PIK3CG: variants seen among roughly 807,000 people sequenced by gnomAD.
The protein encoded by PIK3CG is phosphatidylinositol-4,5-bisphosphate 3-kinase catalytic subunit gamma, also known as phosphatidylinositol 4,5-bisphosphate 3-kinase catalytic subunit gamma isoform.
In PIK3CG, 55 loss-of-function variants were observed where a neutral mutation model predicts 102.3. That is an observed-to-expected ratio of 0.54 (90% confidence interval 0.43 to 0.67). PIK3CG has a LOEUF of 0.67. Among genes scored for constraint, PIK3CG ranks in the 30% least tolerant of loss-of-function variants. The pLI, the probability that PIK3CG is intolerant of heterozygous loss-of-function variation, is 0.00. For missense variants in PIK3CG, 1,258 were observed against 1,391.8 expected (o/e 0.90, Z 1.53); for synonymous variants, 552 against 540.0 (o/e 1.02, Z -0.31).
At chr7:106,881,070 C>G (rs1790917136) in intron 6 of PIK3CG, among the ~76,000 whole-genome samples, 1 of 152,176 alleles carries the variant, frequency 6.6e-6, no homozygotes, top group African/African-American at 2.4e-5. Flanking sequence ...CTTTCCTTCT[C>G]TGGGCCAGGC....
chr7:106,881,780 G>A (rs1039133618), intron 6 of PIK3CG, among the ~76,000 whole-genome samples: 1 of 152,168 alleles, frequency 6.6e-6, no homozygotes, highest in African/African-American at 2.4e-5. Context: ...AACCTGGGAG[G>A]TGGAGGTGGC....
intron 10 of PIK3CG, among the ~76,000 whole-genome samples, chr7:106,889,685 T>C (rs1584340912): frequency 1.3e-5 from 2 of 152,332 alleles, no homozygotes; most frequent in South Asian, 4.1e-4. Context: ...GGGGTGAGCC[T>C]GGTCCACAAA....
At chr7:106,876,414 C>T (rs1790742198) in intron 5 of PIK3CG, among the ~76,000 whole-genome samples, 1 of 144,438 alleles carries the variant, frequency 6.9e-6, no homozygotes, top group Non-Finnish European at 1.5e-5. Flanking sequence ...TTTTTTGAGA[C>T]AGAGTCTCGC....
At chr7:106,888,705 C>T (rs756326645) in intron 10 of PIK3CG, among the ~76,000 whole-genome samples, 4 of 152,148 alleles carry the variant, frequency 2.6e-5, no homozygotes, top group East Asian at 1.9e-4. Flanking sequence ...GTTAAACATA[C>T]GTGTTAAGCA....
chr7:106,881,127 A>G (rs1451763811), intron 6 of PIK3CG, among the ~76,000 whole-genome samples: 1 of 152,148 alleles, frequency 6.6e-6, no homozygotes, highest in Non-Finnish European at 1.5e-5. Flanking sequence ...TATAGGAATG[A>G]TCAAGATTGT....
Position 106,883,254 on chromosome 7 carries a change from G to A in PIK3CG, c.2760+91G>A, listed in dbSNP as rs1790995980. On this transcript the variant is annotated intron_variant, in intron 8 of 10. Coordinates refer to ENST00000496166, the MANE Select transcript of PIK3CG (RefSeq NM_001282426.2). This position sits in a 1 kb window ranked among gnomAD's most constrained non-coding sequence, Gnocchi z 5.8. ...CTTCAAGTTTTCAGAGAATCTGCCA[G>A]TGTCTTGCCTCCTGACATATTAGTG... is the stretch of plus-strand genomic sequence containing the variant. 1 of 1,340,792 alleles carries A rather than the reference G, an allele frequency of 7.5e-7. No individual in the cohort carries two copies. Among genetic ancestry groups the A allele is most frequent in the Non-Finnish European group, 1.1e-6 (1 of 946,346 alleles). The allele number at this position is 1,340,792 out of a possible 1,614,324, so 83.1% of individuals were successfully genotyped here.
chr7:106,876,896 T>A (rs1790765107), intron 5 of PIK3CG, among the ~76,000 whole-genome samples: 1 of 152,156 alleles, frequency 6.6e-6, no homozygotes, highest in Non-Finnish European at 1.5e-5. Flanking sequence ...TTTTAGTGTC[T>A]TATCTAAGAA....
At position 106,892,813 on chromosome 7, in the gene PIK3CG, T is replaced by A. The variant is rs141243724; in HGVS notation, c.3030+6521T>A. On this transcript the variant is annotated intron_variant, in intron 10 of 10. Coordinates refer to ENST00000496166, the MANE Select transcript of PIK3CG (RefSeq NM_001282426.2). This position sits in a 1 kb window ranked among gnomAD's most constrained non-coding sequence, Gnocchi z 5.2. The stretch of plus-strand genomic sequence containing the variant: ...CAGGCCTTAAGGGATGAATTCAGTT[T>A]CATTTTTCCAGGCAGATACAGGGAA... Among the ~76,000 whole-genome samples the A allele has an allele frequency of 2.1e-4, 32 of 152,308 alleles. No individual in the cohort carries two copies. Among genetic ancestry groups the A allele is most frequent in the African/African-American group, 7.5e-4 (31 of 41,552 alleles).
At position 106,895,952 on chromosome 7, in the gene PIK3CG, T is replaced by A. The variant is rs898778798; in HGVS notation, c.3031-9157T>A. ...ACACTGCCTTTCAGCAAAGGCTGATTAAAGCTGCACCAAGTCTCTAAGTGT... is the reference window on the plus strand; with the variant it reads ...ACACTGCCTTTCAGCAAAGGCTGATAAAAGCTGCACCAAGTCTCTAAGTGT... On this transcript the variant is annotated intron_variant, in intron 10 of 10. Coordinates refer to ENST00000496166, the MANE Select transcript of PIK3CG (RefSeq NM_001282426.2). This position sits in a 1 kb window ranked among gnomAD's most constrained non-coding sequence, Gnocchi z 5.4. 6.6e-6 allele frequency among the ~76,000 whole-genome samples: 1 copy of A among 152,196 alleles called. No homozygotes were observed. The highest frequency in any genetic ancestry group is 2.4e-5 in the African/African-American group (1 of 41,450).
At chr7:106,876,797 C>G (rs1790762211) in intron 5 of PIK3CG, among the ~76,000 whole-genome samples, 1 of 152,076 alleles carries the variant, frequency 6.6e-6, no homozygotes, top group South Asian at 2.1e-4. Flanking sequence ...TGTGGCTTGC[C>G]TTTTTATTTT....
chr7:106,873,985 C>G (rs759656068), intron 4 of PIK3CG, among the ~76,000 whole-genome samples: 1 of 152,134 alleles, frequency 6.6e-6, no homozygotes, highest in Non-Finnish European at 1.5e-5. Flanking sequence ...CTAGACCTAG[C>G]ACTATGGCTC....
At position 106,907,822 on chromosome 7, in the gene PIK3CG, A is replaced by G. The variant is rs538015874; in HGVS notation, c.*2435A>G. On this transcript the variant is annotated 3_prime_UTR_variant, in exon 11 of 11. Transcript: ENST00000496166. Reference sequence around the variant, plus strand: ...ATATATATCACAGTTTTATATATATATATGTATGTGTGTGTGTATATATAT... The same window carrying G: ...ATATATATCACAGTTTTATATATATGTATGTATGTGTGTGTGTATATATAT... 8.5e-6 allele frequency among the ~76,000 whole-genome samples: 1 copy of G among 117,380 alleles called. No individual in the cohort carries two copies. The highest frequency in any genetic ancestry group is 2.7e-4 in the East Asian group (1 of 3,640). 77.0% of individuals were successfully genotyped at this position (117,380 alleles called of 152,430 possible).
At chr7:106,871,729 G>A (rs1053583087) in intron 2 of PIK3CG, among the ~76,000 whole-genome samples, 6 of 152,184 alleles carry the variant, frequency 3.9e-5, no homozygotes, top group Non-Finnish European at 5.9e-5. Context: ...AAAGCACAGA[G>A]AACAATGAAA....
chr7:106,888,095 C>T (rs1791159235), intron 10 of PIK3CG, among the ~76,000 whole-genome samples: 1 of 151,902 alleles, frequency 6.6e-6, no homozygotes, highest in Admixed American at 6.6e-5. Context: ...TCCGTGCCAC[C>T]ATGCCTGGCT....
Position 106,905,225 on chromosome 7 carries a change from A to T in PIK3CG, c.3147A>T (p.Glu1049Asp), listed in dbSNP as rs151166020. 1 of 1,614,160 alleles carries T rather than the reference A, an allele frequency of 6.2e-7. No individual in the cohort carries two copies. Residue 1049 changes from glutamate (E) to aspartate (D), a missense_variant, in exon 11 of 11, where the codon GAA becomes GAT. Physicochemically the swap from Glu to Asp is conservative, Grantham distance 45. Transcript: ENST00000496166. This position sits in a 1 kb window ranked among gnomAD's most constrained non-coding sequence, Gnocchi z 5.6. ...MPQLTSKEDI[E>D]YIRDALTVGK... The stretch of plus-strand genomic sequence containing the variant: ...AGTTAACAAGCAAAGAAGACATTGA[A>T]TATATCCGGGATGCCCTCACAGTGG...
chr7:106,879,500 T>A lies in PIK3CG; in HGVS notation c.2392-19T>A. ...CGTTATTCATTGTGTGTGGGGAATA[T>A]GTGACTGCTTCCTTACAGATTGAAA... On this transcript the variant is annotated intron_variant, in intron 5 of 10. Coordinates refer to ENST00000496166, the MANE Select transcript of PIK3CG (RefSeq NM_001282426.2). This position sits in a 1 kb window ranked among gnomAD's most constrained non-coding sequence, Gnocchi z 4.9. 5.6e-6 allele frequency: 9 copies of A among 1,606,872 alleles called. No homozygotes were observed. Among genetic ancestry groups the A allele is most frequent in the Non-Finnish European group, 6.0e-6 (7 of 1,173,632 alleles).
rs1584315430 is a variant in PIK3CG at position 106,867,932 on chromosome 7, A to G, written c.371A>G (p.Tyr124Cys). 6.2e-7 allele frequency: 1 copy of G among 1,613,220 alleles called. No individual in the cohort carries two copies. Among genetic ancestry groups the G allele is most frequent in the Non-Finnish European group, 8.5e-7 (1 of 1,179,936 alleles). ...QVVQTLDCLR[Y>C]WKATHRSPGQ... Reference sequence around the variant, plus strand: ...GTGCAGACTCTGGACTGCCTGCGCTACTGGAAGGCCACGCACCGGAGCCCG... The same window carrying G: ...GTGCAGACTCTGGACTGCCTGCGCTGCTGGAAGGCCACGCACCGGAGCCCG... The change falls in exon 2 of 11, where the codon TAC becomes TGC. Residue 124 changes from tyrosine to cysteine, a missense_variant. This residue lies in a region of PIK3CG where 832 missense variants were observed against 787.5 expected (regional missense o/e 1.06). Coordinates refer to ENST00000496166, the MANE Select transcript of PIK3CG (RefSeq NM_001282426.2). This position sits in a 1 kb window ranked among gnomAD's most constrained non-coding sequence, Gnocchi z 5.1.
chr7:106,876,321 C>A (rs189400425), intron 5 of PIK3CG, among the ~76,000 whole-genome samples: 406 of 151,862 alleles, frequency 2.7e-3, no homozygotes, highest in Middle Eastern at 0.017. Flanking sequence ...TCTATGTGCT[C>A]ATTTTCCATT....
In PIK3CG at chr7:106,888,378, A is replaced by T. The variant is rs541322045; in HGVS notation, c.3030+2086A>T. ...TATCACCCCGTCAGATCTCAGCAGT[A>T]CTTCTCTTTTTTTGCTGTTGTTGCT... On this transcript the variant is annotated intron_variant, in intron 10 of 10. Transcript: ENST00000496166. Among the ~76,000 whole-genome samples, 6 of 152,274 alleles carry T rather than the reference A, an allele frequency of 3.9e-5. No individual in the cohort carries two copies. In the South Asian group the frequency reaches 1.2e-3, roughly 32 times the overall value.
Sources: gnomAD v4.1 joint callset for allele counts (sites outside exome capture counted in the v4.1 genomes callset) on GRCh38, gnomAD v4.1.1 for gene constraint, gnomAD v4.1.1 regional missense constraint, Gnocchi (gnomAD v3.1) non-coding constraint, MANE v1.5 for transcripts, NCBI Gene and HGNC (gene_info 2026-07-23, HGNC 2026-07-21) for gene names.